The following SH3TC2 variants were observed in gnomAD, a reference collection of about 807,000 sequenced individuals.
SH3TC2 encodes the protein SH3 domain and tetratricopeptide repeat-containing protein 2.
Under a neutral mutation model 124.5 loss-of-function variants are expected in SH3TC2, and 87 were observed. The observed-to-expected ratio is 0.70, with a 90% CI of 0.59 to 0.84. The LOEUF is 0.84. SH3TC2 is among the 40% of genes least tolerant of loss of function. The pLI is 0.00. For synonymous variants in SH3TC2, 634 were observed against 628.5 expected (o/e 1.01, Z -0.13); for missense variants, 1,536 against 1,566.4 (o/e 0.98, Z 0.33).
Position 149,041,619 on chromosome 5 carries a change from T to A in SH3TC2, c.530-2A>T, listed in dbSNP as rs80338920. The A allele has an allele frequency of 6.2e-7, 1 of 1,614,036 alleles. No individual in the cohort carries two copies. Among genetic ancestry groups the A allele is most frequent in the Non-Finnish European group, 8.5e-7 (1 of 1,180,036 alleles). On this transcript the variant is annotated splice_acceptor_variant, in intron 5 of 16. Transcript: ENST00000515425. LOFTEE classifies it high-confidence loss of function. ...ACAGGGCTCTGCAGAAGAAGTGGCC[T>A]GTGGATAATGAGAAAAGCAATGGCT...
At chr5:149,011,288 C>CAGAG (rs1241855983) in intron 13 of SH3TC2, among the ~76,000 whole-genome samples, 4 of 152,006 alleles carry the variant, frequency 2.6e-5, no homozygotes, top group African/African-American at 9.7e-5. Context: ...TGGGCAGCTA[C>CAGAG]AGAGAGAGAG....
In SH3TC2 at chr5:148,994,047, C is replaced by A. The variant is rs899502938; in HGVS notation, c.*10664G>T. 6.6e-6 allele frequency among the ~76,000 whole-genome samples: 1 copy of A among 152,214 alleles called. No homozygotes were observed. Among genetic ancestry groups the A allele is most frequent in the Non-Finnish European group, 1.5e-5 (1 of 68,036 alleles). On this transcript the variant is annotated 3_prime_UTR_variant, in exon 17 of 17. Transcript: ENST00000515425. ...GAGCTTAACAACTTGCCTGAGGTCA[C>A]ACATTTCATAAGCAGTGGAGCTGTT...
chr5:149,030,299 G>C (rs1238953022), intron 9 of SH3TC2, among the ~76,000 whole-genome samples: 1 of 152,222 alleles, frequency 6.6e-6, no homozygotes, highest in Non-Finnish European at 1.5e-5. Flanking sequence ...ATGTTCTCCT[G>C]CTGCTTGTCT....
intron 7 of SH3TC2, 86 bp downstream of exon 7, chr5:149,040,518 T>A (rs1372388852): frequency 7.8e-7 from 1 of 1,277,468 alleles, no homozygotes; most frequent in East Asian, 2.3e-5. Context: ...AAAATTCACA[T>A]CAACTGACTC....
chr5:149,048,466 A>G (rs762652703), intron 2 of SH3TC2, among the ~76,000 whole-genome samples: 1 of 152,188 alleles, frequency 6.6e-6, no homozygotes, highest in Non-Finnish European at 1.5e-5. Context: ...ACATGAACAC[A>G]TTACACATAA....
At chr5:149,023,191 G>A (rs1427063249) in intron 12 of SH3TC2, among the ~76,000 whole-genome samples, 3 of 152,178 alleles carry the variant, frequency 2.0e-5, no homozygotes, top group Non-Finnish European at 4.4e-5. Flanking sequence ...CTGTTTGTGG[G>A]TATTTGGATT....
rs753505691 is a variant in SH3TC2, at chr5:149,041,449, G to A, written c.698C>T (p.Ser233Leu). ...AGGGAGAGGCAGAGGCTCCAAGGCT[G>A]ACACCAGTACCAGGCCCCGCTGACC... ...VTGQRGLVLVSALEPLPLPFH... is the reference protein window; with the variant it reads ...VTGQRGLVLVLALEPLPLPFH... The change falls in exon 6 of 17, where the codon TCA (serine) becomes TTA (leucine). Residue 233 changes from serine (S) to leucine (L), a missense_variant. Physicochemically the swap from Ser to Leu is moderately radical, Grantham distance 145. Around this residue, in one of 3 missense-constraint regions of SH3TC2, gnomAD observed 1,102 missense variants for 1,098.6 expected, o/e 1.00. Transcript: ENST00000515425. 6.2e-7 allele frequency: 1 copy of A among 1,613,428 alleles called. No homozygotes were observed. The highest frequency in any genetic ancestry group is 8.5e-7 in the Non-Finnish European group (1 of 1,180,028).
Position 149,027,618 on chromosome 5 carries a change from G to T in SH3TC2, c.2114C>A (p.Ser705Tyr), listed in dbSNP as rs746243627. ...QHGIQSAQGM[S>Y]LPIWQVHLVL... ...AAGGTGGACCTGCCAAATAGGAAGA[G>T]ACATCCCTTGGGCACTCTGGATACC... Residue 705 changes from serine to tyrosine, a missense_variant, in exon 11 of 17, where the codon TCT becomes TAT. Transcript: ENST00000515425. 4 of 1,614,260 alleles carry T rather than the reference G, an allele frequency of 2.5e-6. No individual in the cohort carries two copies. The highest frequency in any genetic ancestry group is 3.4e-6 in the Non-Finnish European group (4 of 1,180,044).
chr5:148,985,690 A>G lies in SH3TC2; in HGVS notation c.*19021T>C, dbSNP rs1416482864. ...AACATTTGTGTATAGGCTTTTGTAT[A>G]CATAAGTTTTCATTTCTTTGATATA... On this transcript the variant is annotated 3_prime_UTR_variant, in exon 17 of 17. Transcript: ENST00000515425. Among the ~76,000 whole-genome samples, 3 of 152,192 alleles carry G rather than the reference A, an allele frequency of 2.0e-5. No individual in the cohort carries two copies. Among genetic ancestry groups the G allele is most frequent in the Non-Finnish European group, 4.4e-5 (3 of 68,026 alleles).
intron 8 of SH3TC2, among the ~76,000 whole-genome samples, chr5:149,034,697 T>G: frequency 6.6e-6 from 1 of 152,086 alleles, no homozygotes; most frequent in East Asian, 1.9e-4. Flanking sequence ...CATAAATTAA[T>G]GAAATAAAAA....
rs573663416 is a variant in SH3TC2, at chr5:149,052,179, G to A, written c.114C>T (p.Tyr38=). The A allele has an allele frequency of 6.2e-6, 10 of 1,613,614 alleles. No individual in the cohort carries two copies. The South Asian group carries it at 9.9e-5, about 16-fold the overall frequency. ...VSSECIASSE[Y]KEKCFLPQNI... ...TCTGTGGCAGAAAACATTTTTCCTT[G>A]TATTCAGATGAGGCTATACACTCAC... Residue 38 remains tyrosine (Y), a synonymous_variant, in exon 2 of 17, where the codon TAC becomes TAT. Coordinates refer to ENST00000515425, the MANE Select transcript of SH3TC2 (RefSeq NM_024577.4).
In SH3TC2 at chr5:148,999,173, A is replaced by G. The variant is rs1452741081; in HGVS notation, c.*5538T>C. Among the ~76,000 whole-genome samples the G allele has an allele frequency of 6.6e-6, 1 of 152,204 alleles. No homozygotes were observed. The highest frequency in any genetic ancestry group is 2.4e-5 in the African/African-American group (1 of 41,450). ...AGTGATGAAAAGGAGAAAGAGCTTC[A>G]GACCCAAGTGTCCCTGAATGCAGGA... On this transcript the variant is annotated 3_prime_UTR_variant, in exon 17 of 17. Transcript: ENST00000515425.
chr5:149,062,218 C>T (rs986069675), intron 1 of SH3TC2: 11 of 420,208 alleles, frequency 2.6e-5, no homozygotes, highest in Non-Finnish European at 4.3e-5. Context: ...CCAATCTAAC[C>T]CCACATTTCC....
chr5:149,007,565 T>C, intron 15 of SH3TC2: 1 of 245,812 alleles, frequency 4.1e-6, no homozygotes, highest in Non-Finnish European at 7.9e-6. Context: ...CTTCAGAGAA[T>C]TATCTTGGGT....
chr5:149,031,353 C>T (rs893600870), intron 9 of SH3TC2, among the ~76,000 whole-genome samples: 2 of 152,104 alleles, frequency 1.3e-5, no homozygotes, highest in African/African-American at 2.4e-5. Context: ...TCATAGTTCC[C>T]CTGAAACCCC....
chr5:148,991,048 T>A lies in SH3TC2; in HGVS notation c.*13663A>T, dbSNP rs750686754. On this transcript the variant is annotated 3_prime_UTR_variant, in exon 17 of 17. Transcript: ENST00000515425. ...CCAGAATTAGATCACTTGTTGAACA[T>A]CTGTTGACACTTTCCAGGGGACTTT... is the stretch of plus-strand genomic sequence containing the variant. 1.1e-4 allele frequency among the ~76,000 whole-genome samples: 16 copies of A among 152,174 alleles called. No homozygotes were observed. The highest frequency in any genetic ancestry group is 5.9e-5 in the Non-Finnish European group (4 of 68,046).
chr5:149,027,211 G>A lies in SH3TC2; in HGVS notation c.2521C>T (p.Leu841Phe). 1.2e-6 allele frequency: 2 copies of A among 1,614,238 alleles called. No homozygotes were observed. Among genetic ancestry groups the A allele is most frequent in the East Asian group, 4.5e-5 (2 of 44,886 alleles). ...SLTQRGVIYN[L>F]LGLALQGEGR... ...TCACCTTGGAGTGCAAGTCCCAGGA[G>A]GTTATAGATGACTCCCCTTTGAGTG... The change falls in exon 11 of 17, where the codon CTC becomes TTC. Residue 841 changes from leucine to phenylalanine, a missense_variant. Leu to Phe is a conservative substitution (Grantham distance 22). Around this residue, in one of 3 missense-constraint regions of SH3TC2, gnomAD observed 1,102 missense variants for 1,098.6 expected, o/e 1.00. Coordinates refer to ENST00000515425, the MANE Select transcript of SH3TC2 (RefSeq NM_024577.4).
intron 9 of SH3TC2, among the ~76,000 whole-genome samples, chr5:149,029,113 G>A (rs1328386280): frequency 1.3e-5 from 2 of 152,180 alleles, no homozygotes; most frequent in African/African-American, 2.4e-5. Flanking sequence ...ATGGAGCCAG[G>A]ACACAACTCC....
chr5:149,015,037 A>T (rs1430529037), intron 12 of SH3TC2, among the ~76,000 whole-genome samples: 5 of 152,200 alleles, frequency 3.3e-5, no homozygotes, highest in Non-Finnish European at 7.3e-5. Context: ...CAGACAGGCC[A>T]ACTGACAGAG....
Sources: gnomAD v4.1 joint callset for allele counts (sites outside exome capture counted in the v4.1 genomes callset) on GRCh38, gnomAD v4.1.1 for gene constraint, gnomAD v4.1.1 regional missense constraint, MANE v1.5 for transcripts, NCBI Gene and HGNC (gene_info 2026-07-23, HGNC 2026-07-21) for gene names.